STK4: variants seen among roughly 807,000 people sequenced by gnomAD.
The protein encoded by STK4 is serine/threonine-protein kinase 4.
STK4 carries 30 observed loss-of-function variants against 64.9 expected under a neutral mutation model. The ratio of observed to expected loss-of-function variants is 0.46; its 90% CI spans 0.35 to 0.63. The LOEUF is 0.63. Among genes scored for constraint, STK4 ranks in the 20% least tolerant of loss-of-function variants. The pLI is 0.01. For missense variants in STK4, 466 were observed against 598.5 expected, an observed-to-expected ratio of 0.78 and a Z score of 2.31; for synonymous variants, 177 against 199.0, an observed-to-expected ratio of 0.89 and a Z score of 0.93.
chr20:45,013,675 A>G (rs1004571616), intron 9 of STK4, among the ~76,000 whole-genome samples: 13 of 152,124 alleles, frequency 8.5e-5, no homozygotes, highest in Admixed American at 4.6e-4. Context: ...AATTTTCATT[A>G]AATGTGCTTT....
chr20:45,012,273 A>G (rs1014860273), intron 9 of STK4, among the ~76,000 whole-genome samples: 18 of 152,060 alleles, frequency 1.2e-4, no homozygotes, highest in Non-Finnish European at 2.6e-4. Context: ...TGACCTCGTG[A>G]TCCGTCCACC....
chr20:44,978,607 G>A, intron 3 of STK4, 36 bp downstream of exon 3: 1 of 1,608,172 alleles, frequency 6.2e-7, no homozygotes, highest in Non-Finnish European at 8.5e-7. Context: ...GGAGAATGTG[G>A]TTTTGAATTA....
At chr20:45,070,760 C>T (rs534512174) in intron 10 of STK4, among the ~76,000 whole-genome samples, 14 of 152,014 alleles carry the variant, frequency 9.2e-5, no homozygotes, top group East Asian at 3.9e-4. Context: ...AGGTGGCAGG[C>T]GCCTGTAATC....
chr20:45,048,734 G>A (rs376724560), intron 10 of STK4, among the ~76,000 whole-genome samples: 10 of 152,190 alleles, frequency 6.6e-5, no homozygotes, highest in East Asian at 5.8e-4. Context: ...CATCCGCCTC[G>A]GCCTCCCAAA....
intron 10 of STK4, among the ~76,000 whole-genome samples, chr20:45,054,905 G>A (rs1220374909): frequency 6.6e-6 from 1 of 152,110 alleles, no homozygotes; most frequent in Non-Finnish European, 1.5e-5. Flanking sequence ...CTCTCATTAA[G>A]GCAATACAGG....
At chr20:44,979,767 C>G (rs185572051) in intron 3 of STK4, among the ~76,000 whole-genome samples, 2 of 151,426 alleles carry the variant, frequency 1.3e-5, no homozygotes, top group Non-Finnish European at 2.9e-5. Context: ...TTTTCTCTCC[C>G]TTCTTTTTTT....
At chr20:45,018,908 T>A (rs761153478) in intron 9 of STK4, among the ~76,000 whole-genome samples, 19 of 151,550 alleles carry the variant, frequency 1.3e-4, no homozygotes, top group Admixed American at 3.9e-4. Context: ...AAAAAAAAAA[T>A]TTTTGTAGAG....
chr20:44,980,851 G>A (rs1189938645), intron 3 of STK4, among the ~76,000 whole-genome samples: 6 of 151,956 alleles, frequency 3.9e-5, no homozygotes, highest in Admixed American at 3.3e-4. Flanking sequence ...TGTATTTTTA[G>A]TAGAGACGGG....
chr20:45,072,688 T>G (rs753569735), intron 10 of STK4, among the ~76,000 whole-genome samples: 8 of 152,234 alleles, frequency 5.3e-5, no homozygotes, highest in Non-Finnish European at 1.0e-4. Flanking sequence ...TAACAGGTAT[T>G]ATGTACCAGC....
intron 2 of STK4, 131 bp downstream of exon 2, chr20:44,972,289 CCTT>C (rs2067261772): frequency 1.3e-6 from 1 of 752,332 alleles, no homozygotes; most frequent in South Asian, 1.8e-5. Context: ...CTTGTGATGT[CCTT>C]CTTCGCTTTA....
At chr20:45,054,804 T>G (rs1978334790) in intron 10 of STK4, among the ~76,000 whole-genome samples, 1 of 152,180 alleles carries the variant, frequency 6.6e-6, no homozygotes, top group Non-Finnish European at 1.5e-5. Context: ...CTGCTAATAA[T>G]GAACAGTTAA....
At chr20:44,991,912 C>A (rs151031059) in intron 5 of STK4, among the ~76,000 whole-genome samples, 2 of 152,100 alleles carry the variant, frequency 1.3e-5, no homozygotes, top group Non-Finnish European at 2.9e-5. Context: ...AATCTGCCCC[C>A]CTTGGCGTGC....
chr20:45,037,540 G>T (rs920136506), intron 10 of STK4, among the ~76,000 whole-genome samples: 1 of 152,098 alleles, frequency 6.6e-6, no homozygotes, highest in Non-Finnish European at 1.5e-5. Flanking sequence ...AAATTAATTT[G>T]ATAAAAGTAA....
chr20:45,016,713 A>G (rs2068148717), intron 9 of STK4, among the ~76,000 whole-genome samples: 1 of 152,198 alleles, frequency 6.6e-6, no homozygotes, highest in Non-Finnish European at 1.5e-5. Flanking sequence ...CTCAAGGCCT[A>G]TATATTTTGA....
chr20:45,073,261 T>C (rs1222853931), intron 10 of STK4, among the ~76,000 whole-genome samples: 1 of 151,602 alleles, frequency 6.6e-6, no homozygotes, highest in Non-Finnish European at 1.5e-5. Flanking sequence ...AAAGATGCAT[T>C]TTTTTTTTCA....
intron 10 of STK4, among the ~76,000 whole-genome samples, chr20:45,038,797 CT>C (rs1445123286): frequency 2.6e-5 from 4 of 151,166 alleles, no homozygotes; most frequent in Non-Finnish European, 2.9e-5. Context: ...AATTTATTTA[CT>C]TAAAAAAAAA....
At chr20:44,966,937 G>T (rs974040592) in intron 1 of STK4, among the ~76,000 whole-genome samples, 1 of 152,196 alleles carries the variant, frequency 6.6e-6, no homozygotes, top group Admixed American at 6.5e-5. Flanking sequence ...GGGGGCGAAT[G>T]CTGAAGCAGG....
At chr20:45,061,122 A>C (rs117850822) in intron 10 of STK4, among the ~76,000 whole-genome samples, 2,811 of 152,270 alleles carry the variant, frequency 0.018, 44 homozygotes, top group Non-Finnish European at 0.031. Flanking sequence ...GCTGTTCTAA[A>C]ACTCACAGAA....
At chr20:44,993,062 G>A (rs753993658) in intron 5 of STK4, among the ~76,000 whole-genome samples, 6 of 151,430 alleles carry the variant, frequency 4.0e-5, no homozygotes, top group Non-Finnish European at 8.8e-5. Flanking sequence ...CAACTTATTT[G>A]AACTTATTTT....
Sources: allele counts gnomAD v4.1 joint callset (sites outside exome capture counted in the v4.1 genomes callset), GRCh38; gene constraint gnomAD v4.1.1; transcripts MANE v1.5; gene names NCBI Gene and HGNC (gene_info 2026-07-23, HGNC 2026-07-21).